The following FOCAD variants were observed in gnomAD, a reference collection of about 807,000 sequenced individuals.
The protein encoded by FOCAD is focadhesin.
FOCAD carries 198 observed loss-of-function variants against 225.6 expected under a neutral mutation model. That is an observed-to-expected ratio of 0.88 (90% CI 0.78 to 0.99). The LOEUF (loss-of-function observed/expected upper bound fraction) is 0.99. FOCAD is among the 50% of genes least tolerant of loss of function. The probability of loss-of-function intolerance (pLI) is 0.00; values close to 1 mark genes in which losing one functional copy is unlikely to be tolerated. For missense variants in FOCAD, 2,713 were observed against 2,123.6 expected, an observed-to-expected ratio of 1.28 and a Z score of -5.46; for synonymous variants, 897 against 755.0, an observed-to-expected ratio of 1.19 and a Z score of -3.08.
chr9:20,897,913 G>T (rs1404287309), intron 21 of FOCAD, among the ~76,000 whole-genome samples: 6 of 151,678 alleles, frequency 4.0e-5, no homozygotes, highest in African/African-American at 7.3e-5. Context: ...AACATTTCCT[G>T]CAAGGGAAAT....
intron 10 of FOCAD, 57 bp from the exon 11 acceptor site, chr9:20,789,294 T>C: frequency 6.4e-7 from 1 of 1,568,246 alleles, no homozygotes. Context: ...CAGAAACATA[T>C]TTCTGACAAA....
intron 15 of FOCAD, among the ~76,000 whole-genome samples, chr9:20,843,725 T>C (rs1429820585): frequency 6.6e-6 from 1 of 152,094 alleles, no homozygotes; most frequent in Non-Finnish European, 1.5e-5. Context: ...TCCTCTAGGA[T>C]TTTCCTTAGA....
chr9:20,856,286 G>A (rs1237977208), intron 15 of FOCAD, among the ~76,000 whole-genome samples: 1 of 151,698 alleles, frequency 6.6e-6, no homozygotes, highest in Non-Finnish European at 1.5e-5. Context: ...TGGATAAAAA[G>A]CATTTTAACT....
intron 36 of FOCAD, among the ~76,000 whole-genome samples, chr9:20,977,068 CCTTTT>C (rs1564231852): frequency 6.6e-6 from 1 of 152,110 alleles, no homozygotes; most frequent in African/African-American, 2.4e-5. Context: ...GAATTCATTT[CCTTTT>C]CTTTTCTAGC....
chr9:20,831,445 G>A (rs1258740934), intron 15 of FOCAD, among the ~76,000 whole-genome samples: 3 of 152,088 alleles, frequency 2.0e-5, no homozygotes, highest in Admixed American at 2.0e-4. Context: ...GGCTGTGCAA[G>A]GCTTTCTGCA....
rs571586566 is a variant in FOCAD at position 20,775,099 on chromosome 9, C to T, written c.907-3582C>T. Among the ~76,000 whole-genome samples, 12 of 152,290 alleles carry T rather than the reference C, an allele frequency of 7.9e-5. No individual in the cohort carries two copies. In the East Asian group the frequency reaches 2.1e-3, roughly 27 times the overall value. On this transcript the variant is annotated intron_variant, in intron 8 of 43. Coordinates refer to ENST00000338382, the MANE Select transcript of FOCAD (RefSeq NM_001375567.1). ...GGATGTCTTGTTCAAATATTATATTCACTTTTTCCTACTCTGTTCTCTTTC... is the reference window on the plus strand; with the variant it reads ...GGATGTCTTGTTCAAATATTATATTTACTTTTTCCTACTCTGTTCTCTTTC...
upstream of FOCAD, among the ~76,000 whole-genome samples, chr9:20,682,322 G>A (rs1233443454): frequency 6.6e-6 from 1 of 152,238 alleles, no homozygotes; most frequent in African/African-American, 2.4e-5. Context: ...TTCCCTGTGT[G>A]TTCCTAAAAC....
At chr9:20,771,074 A>T (rs76744067) in intron 8 of FOCAD, among the ~76,000 whole-genome samples, 3,758 of 152,284 alleles carry the variant, frequency 0.025, 146 homozygotes, top group African/African-American at 0.086. Flanking sequence ...ATGAGTTGAG[A>T]TTCGAAGACT....
intron 26 of FOCAD, 121 bp downstream of exon 26, chr9:20,926,538 C>G (rs1464103465): frequency 3.1e-6 from 2 of 640,874 alleles, no homozygotes; most frequent in Non-Finnish European, 5.6e-6. Context: ...AATCCCAGCA[C>G]TTTGGAAGTC....
chr9:20,922,940 T>A (rs553871397), intron 24 of FOCAD, among the ~76,000 whole-genome samples: 27 of 143,896 alleles, frequency 1.9e-4, no homozygotes, highest in African/African-American at 6.9e-4. Context: ...TTCAGGTTTT[T>A]ACGTTAAATT....
rs998513379 is a variant in FOCAD, at chr9:20,795,786, A to G, written c.1455+6178A>G. The stretch of plus-strand genomic sequence containing the variant: ...GGGACAGAGCAAGACTCTGTCTCGA[A>G]AAAAAAAAAAAAAAAAAAAAAGACA... On this transcript the variant is annotated intron_variant, in intron 11 of 43. Coordinates refer to ENST00000338382, the MANE Select transcript of FOCAD (RefSeq NM_001375567.1). Among the ~76,000 whole-genome samples the G allele has an allele frequency of 1.0e-4, 10 of 100,038 alleles. No individual in the cohort carries two copies. In the South Asian group the frequency reaches 1.4e-3, roughly 14 times the overall value. The allele number at this position is 100,038 out of a possible 152,430, so 65.6% of individuals were successfully genotyped here. A position where few individuals can be genotyped will look rare whatever the true frequency, so the allele number is the denominator to read the frequency against.
intron 39 of FOCAD, among the ~76,000 whole-genome samples, chr9:20,983,674 T>C (rs1424797321): frequency 2.0e-5 from 3 of 152,168 alleles, no homozygotes; most frequent in African/African-American, 7.2e-5. Flanking sequence ...GGATGGACTC[T>C]GGAGCCTCAC....
chr9:20,785,027 C>A (rs1430956947), intron 10 of FOCAD, among the ~76,000 whole-genome samples: 5 of 151,702 alleles, frequency 3.3e-5, no homozygotes, highest in Admixed American at 2.6e-4. Context: ...CAAAACACCC[C>A]CTTCATGGGG....
intron 2 of FOCAD, among the ~76,000 whole-genome samples, chr9:20,678,684 G>T (rs1304764359): frequency 6.6e-6 from 1 of 152,200 alleles, no homozygotes; most frequent in East Asian, 1.9e-4. Context: ...GTAATTCCCT[G>T]AACCCCCTCC....
intron 14 of FOCAD, 38 bp from the exon 15 acceptor site, chr9:20,822,951 T>C (rs142259991): frequency 1.4e-5 from 22 of 1,551,686 alleles, no homozygotes; most frequent in Non-Finnish European, 1.8e-5. Context: ...AACTGCACTT[T>C]AGCATTAATT....
chr9:20,956,815 T>G lies in FOCAD; in HGVS notation c.4132+3750T>G, dbSNP rs750848460. Among the ~76,000 whole-genome samples the G allele has an allele frequency of 7.2e-4, 109 of 152,060 alleles. 1 individual carries two copies. Among genetic ancestry groups the G allele is most frequent in the Non-Finnish European group, 8.8e-5 (6 of 67,994 alleles). ...TTATCATTTCTGGATATTACTTAAT[T>G]TGCTGCTTCTGGGATTACAGCCATG... On this transcript the variant is annotated intron_variant, in intron 35 of 43. Coordinates refer to ENST00000338382, the MANE Select transcript of FOCAD (RefSeq NM_001375567.1).
rs550285681 is a variant in FOCAD, at chr9:20,955,679, C to T, written c.4132+2614C>T. 3.1e-4 allele frequency among the ~76,000 whole-genome samples: 47 copies of T among 152,168 alleles called. No individual in the cohort carries two copies. The South Asian group carries it at 8.9e-3, about 29-fold the overall frequency. ...CTACGCTAGCCTTAAAATCTTTGCTCATCATCTAATTCCTCCTAACATGGA... is the reference window on the plus strand; with the variant it reads ...CTACGCTAGCCTTAAAATCTTTGCTTATCATCTAATTCCTCCTAACATGGA... On this transcript the variant is annotated intron_variant, in intron 35 of 43. Transcript: ENST00000338382.
At chr9:20,885,622 T>G (rs1831044843) in intron 21 of FOCAD, 1 of 152,432 alleles carries the variant, frequency 6.6e-6, no homozygotes, top group Non-Finnish European at 1.5e-5. Flanking sequence ...TAAAAGTAAA[T>G]AAAAGCATTT....
At chr9:20,968,792 C>T (rs1011171588) in intron 35 of FOCAD, among the ~76,000 whole-genome samples, 9 of 152,012 alleles carry the variant, frequency 5.9e-5, no homozygotes, top group Non-Finnish European at 7.4e-5. Context: ...TTATTTCCTT[C>T]CTCTACCTTT....
Sources: allele counts gnomAD v4.1 joint callset (sites outside exome capture counted in the v4.1 genomes callset), GRCh38; gene constraint gnomAD v4.1.1; transcripts MANE v1.5; gene names NCBI Gene and HGNC (gene_info 2026-07-23, HGNC 2026-07-21).